ELOVL5: variants seen among roughly 807,000 people sequenced by gnomAD.
ELOVL5 encodes ELOVL fatty acid elongase 5.
In ELOVL5, 8 loss-of-function variants were observed where a neutral mutation model predicts 38.6. The observed-to-expected ratio is 0.21, with a 90% CI of 0.12 to 0.37. The LOEUF (loss-of-function observed/expected upper bound fraction) is 0.37, where lower values mean the gene tolerates loss of function less well. ELOVL5 is among the 10% of genes least tolerant of loss of function. The probability of loss-of-function intolerance (pLI) is 1.00; values close to 1 mark genes in which losing one functional copy is unlikely to be tolerated. For synonymous variants in ELOVL5, 127 were observed against 133.7 expected, an observed-to-expected ratio of 0.95 and a Z score of 0.34; for missense variants, 280 against 367.8, an observed-to-expected ratio of 0.76 and a Z score of 1.95.
At chr6:53,282,091 G>A (rs1766385081) in intron 3 of ELOVL5, among the ~76,000 whole-genome samples, 1 of 152,200 alleles carries the variant, frequency 6.6e-6, no homozygotes, top group Admixed American at 6.5e-5. Context: ...TGGTAAGAGT[G>A]CAATAAGCAT....
intron 1 of ELOVL5, among the ~76,000 whole-genome samples, chr6:53,343,260 C>T (rs6936601): frequency 0.34 from 52,135 of 151,692 alleles, 9,644 homozygotes; most frequent in African/African-American, 0.48. Context: ...TCACCCAGGC[C>T]GGAGTGCAGT....
chr6:53,295,250 T>TACA (rs1432341226), intron 2 of ELOVL5, among the ~76,000 whole-genome samples: 1 of 152,152 alleles, frequency 6.6e-6, no homozygotes, highest in African/African-American at 2.4e-5. Flanking sequence ...GTTAACATGA[T>TACA]ACAAAATGAG....
At chr6:53,285,075 T>A (rs747960913) in intron 3 of ELOVL5, among the ~76,000 whole-genome samples, 6 of 152,152 alleles carry the variant, frequency 3.9e-5, no homozygotes, top group Non-Finnish European at 8.8e-5. Flanking sequence ...GAGTAGCATG[T>A]CTCTCACTTT....
chr6:53,305,240 T>C (rs1581955848), intron 1 of ELOVL5, among the ~76,000 whole-genome samples: 2 of 114,462 alleles, frequency 1.7e-5, no homozygotes, highest in African/African-American at 7.0e-5. Context: ...GGCGGCTGGC[T>C]GGGCAGAGGG....
chr6:53,269,653 G>A (rs1016471089), intron 7 of ELOVL5, among the ~76,000 whole-genome samples: 14 of 152,142 alleles, frequency 9.2e-5, no homozygotes, highest in African/African-American at 2.2e-4. Flanking sequence ...TCCCTTGTTC[G>A]TCTTCAAAAG....
At position 53,268,599 on chromosome 6, in the gene ELOVL5, C is replaced by T. The variant is rs1765816575; in HGVS notation, c.*528G>A. 1 of 152,622 alleles carries T rather than the reference C, an allele frequency of 6.6e-6. No homozygotes were observed. Among genetic ancestry groups the T allele is most frequent in the Non-Finnish European group, 1.5e-5 (1 of 68,050 alleles). The allele number at this position is 152,622 out of a possible 1,614,324, so 9.5% of individuals were successfully genotyped here. A position where few individuals can be genotyped will look rare whatever the true frequency, so the allele number is the denominator to read the frequency against. ...ACTGGAAATTATGTCACATTAGTTTCATAAATCATGGTCTTTGATTTTTTC... is the reference window on the plus strand; with the variant it reads ...ACTGGAAATTATGTCACATTAGTTTTATAAATCATGGTCTTTGATTTTTTC... On this transcript the variant is annotated 3_prime_UTR_variant, in exon 8 of 8. Transcript: ENST00000304434.
chr6:53,317,632 C>T (rs903692987), intron 1 of ELOVL5, among the ~76,000 whole-genome samples: 42 of 149,756 alleles, frequency 2.8e-4, no homozygotes, highest in African/African-American at 9.1e-4. Flanking sequence ...CGTCACACCA[C>T]GGGGACTGTT....
intron 2 of ELOVL5, among the ~76,000 whole-genome samples, chr6:53,293,474 C>A (rs531399600): frequency 3.2e-4 from 48 of 152,182 alleles, no homozygotes; most frequent in African/African-American, 1.0e-3. Flanking sequence ...CACACCACCA[C>A]ACCCCGCTAA....
intron 1 of ELOVL5, among the ~76,000 whole-genome samples, chr6:53,306,607 A>G: frequency 6.6e-6 from 1 of 152,144 alleles, no homozygotes; most frequent in East Asian, 1.9e-4. Context: ...CTAAAGAAGA[A>G]ATGTACAGTC....
intron 5 of ELOVL5, among the ~76,000 whole-genome samples, chr6:53,273,942 GTCC>G (rs1471293649): frequency 3.3e-5 from 5 of 152,130 alleles, no homozygotes; most frequent in Non-Finnish European, 7.3e-5. Flanking sequence ...TCCAGACTCT[GTCC>G]TCCTCCCCAA....
intron 1 of ELOVL5, among the ~76,000 whole-genome samples, chr6:53,309,523 G>A (rs566377844): frequency 2.7e-4 from 41 of 152,232 alleles, no homozygotes; most frequent in Non-Finnish European, 4.7e-4. Flanking sequence ...CGGTATCTAT[G>A]GGAGGCAGAG....
intron 1 of ELOVL5, among the ~76,000 whole-genome samples, chr6:53,334,677 T>C (rs1053068025): frequency 2.0e-5 from 3 of 152,182 alleles, no homozygotes; most frequent in African/African-American, 7.2e-5. Context: ...CCAGTTTCCA[T>C]CTGATCTCTC....
intron 1 of ELOVL5, among the ~76,000 whole-genome samples, chr6:53,334,374 T>C (rs1157454010): frequency 1.3e-5 from 2 of 152,156 alleles, no homozygotes; most frequent in Non-Finnish European, 2.9e-5. Flanking sequence ...GGGTAAAATA[T>C]GCAAGGGAGG....
chr6:53,303,535 C>T lies in ELOVL5; in HGVS notation c.-8-7828G>A, dbSNP rs151229721. Among the ~76,000 whole-genome samples, 586 of 152,236 alleles carry T rather than the reference C, an allele frequency of 3.8e-3. 2 individuals carry two copies. Among genetic ancestry groups the T allele is most frequent in the African/African-American group, 0.012 (517 of 41,552 alleles). On this transcript the variant is annotated intron_variant, in intron 1 of 7. Coordinates refer to ENST00000304434, the MANE Select transcript of ELOVL5 (RefSeq NM_021814.5). Reference sequence around the variant, plus strand: ...CATTTTTCCTGCCATATATCATACACGAAGGCAAAAAACACAGCTCTATTT... The same window carrying T: ...CATTTTTCCTGCCATATATCATACATGAAGGCAAAAAACACAGCTCTATTT...
chr6:53,291,948 C>G lies in ELOVL5; in HGVS notation c.74G>C (p.Gly25Ala). Residue 25 changes from glycine to alanine, a missense_variant, in exon 3 of 8, where the codon GGA becomes GCA. By Grantham distance (60) the Gly-to-Ala change is moderately conservative. Around this residue, in one of 3 missense-constraint regions of ELOVL5, gnomAD observed 150 missense variants for 178.0 expected, o/e 0.84. Coordinates refer to ENST00000304434, the MANE Select transcript of ELOVL5 (RefSeq NM_021814.5). Reference sequence around the variant, plus strand: ...TATATAATTGTCCAGAAGAAACCATCCTTTTACTCTAGTATCTGAAAAATT... The same window carrying G: ...TATATAATTGTCCAGAAGAAACCATGCTTTTACTCTAGTATCTGAAAAATT... The part of the protein sequence containing the change: ...LLGPRDTRVK[G>A]WFLLDNYIPT... 1 of 1,559,844 alleles carries G rather than the reference C, an allele frequency of 6.4e-7. No individual in the cohort carries two copies. The highest frequency in any genetic ancestry group is 8.7e-7 in the Non-Finnish European group (1 of 1,148,934).
At chr6:53,325,835 G>A (rs1768519642) in intron 1 of ELOVL5, among the ~76,000 whole-genome samples, 1 of 152,220 alleles carries the variant, frequency 6.6e-6, no homozygotes, top group Non-Finnish European at 1.5e-5. Context: ...TTATTAAGCA[G>A]CCATGTTAAT....
At chr6:53,277,756 A>G (rs1369761777) in intron 3 of ELOVL5, 1 of 152,336 alleles carries the variant, frequency 6.6e-6, no homozygotes, top group Non-Finnish European at 1.5e-5. Context: ...AAGAAGCAAG[A>G]CACAAAGTCT....
At chr6:53,284,411 T>A (rs529695646) in intron 3 of ELOVL5, among the ~76,000 whole-genome samples, 1 of 151,912 alleles carries the variant, frequency 6.6e-6, no homozygotes, top group Non-Finnish European at 1.5e-5. Flanking sequence ...TTTAGGAGAA[T>A]AGAAATACTG....
chr6:53,273,579 G>A (rs944490800), intron 5 of ELOVL5, among the ~76,000 whole-genome samples: 1 of 152,198 alleles, frequency 6.6e-6, no homozygotes, highest in Non-Finnish European at 1.5e-5. Flanking sequence ...GTAGCTGCTA[G>A]AGGGGCATCT....
Sources: allele counts gnomAD v4.1 joint callset (sites outside exome capture counted in the v4.1 genomes callset), GRCh38; gene constraint gnomAD v4.1.1; regional missense constraint gnomAD v4.1.1; transcripts MANE v1.5; gene names NCBI Gene and HGNC (gene_info 2026-07-23, HGNC 2026-07-21).